The following SLC51A variants were observed in gnomAD, a reference collection of about 807,000 sequenced individuals.
The protein encoded by SLC51A is solute carrier family 51 member A.
In SLC51A, 22 loss-of-function variants were observed where a neutral mutation model predicts 34.8. That is an observed-to-expected ratio of 0.63 (90% CI 0.45 to 0.90). The LOEUF (loss-of-function observed/expected upper bound fraction) is 0.90, where lower values mean the gene tolerates loss of function less well. SLC51A is among the 40% of genes least tolerant of loss of function. The pLI, the probability that SLC51A is intolerant of heterozygous loss-of-function variation, is 0.00. For missense variants in SLC51A, 371 were observed against 414.8 expected, an observed-to-expected ratio of 0.89 and a Z score of 0.92; for synonymous variants, 181 against 176.3, an observed-to-expected ratio of 1.03 and a Z score of -0.21.
At position 196,227,720 on chromosome 3, in the gene SLC51A, G is replaced by A; in HGVS notation, c.345G>A (p.Val115=). The A allele has an allele frequency of 6.2e-7, 1 of 1,613,596 alleles. No homozygotes were observed. The highest frequency in any genetic ancestry group is 8.5e-7 in the Non-Finnish European group (1 of 1,179,812). ...GLWIPRSLVL[V]EMTITSFYAV... ...GGATCCCTCGTTCCCTGGTGCTGGTGGAAATGACCATCACCTCGTGAGTGC... is the reference window on the plus strand; with the variant it reads ...GGATCCCTCGTTCCCTGGTGCTGGTAGAAATGACCATCACCTCGTGAGTGC... The change falls in exon 4 of 9, where the codon GTG becomes GTA. Residue 115 remains valine, a synonymous_variant. Coordinates refer to ENST00000296327, the MANE Select transcript of SLC51A (RefSeq NM_152672.6).
chr3:196,227,581 C>T, intron 3 of SLC51A, 83 bp from the exon 4 acceptor site: 1 of 1,184,778 alleles, frequency 8.4e-7, no homozygotes, highest in Non-Finnish European at 1.3e-6. Context: ...GTAGGTTTTG[C>T]CTCCTGTGTC....
chr3:196,218,009 C>A, intron 2 of SLC51A, 73 bp downstream of exon 2: 1 of 1,394,000 alleles, frequency 7.2e-7, no homozygotes, highest in South Asian at 1.2e-5. Flanking sequence ...TGGGGAGAGG[C>A]GGCCCTGAGC....
At chr3:196,230,724 T>G (rs566254457) in intron 7 of SLC51A, among the ~76,000 whole-genome samples, 6 of 152,306 alleles carry the variant, frequency 3.9e-5, no homozygotes, top group Admixed American at 1.3e-4. Flanking sequence ...CCTCAGGTGA[T>G]CCACCCGCCT....
At chr3:196,217,334 G>A (rs999900849) in intron 1 of SLC51A, among the ~76,000 whole-genome samples, 1 of 152,188 alleles carries the variant, frequency 6.6e-6, no homozygotes, top group Non-Finnish European at 1.5e-5. Flanking sequence ...TGGAGTTCGA[G>A]ACCAGTGTCT....
chr3:196,230,186 T>C, intron 7 of SLC51A, 125 bp downstream of exon 7: 1 of 943,502 alleles, frequency 1.1e-6, no homozygotes, highest in Middle Eastern at 3.0e-4. Flanking sequence ...ACGTCTCTCA[T>C]GAGATTTGGA....
chr3:196,223,873 T>TAA, intron 2 of SLC51A: 1 of 415,478 alleles, frequency 2.4e-6, no homozygotes, highest in East Asian at 7.2e-5. Flanking sequence ...TTTTTTTTTT[T>TAA]TTTTCAGACA....
Position 196,232,521 on chromosome 3 carries a change from C to G in SLC51A, c.883C>G (p.Gln295Glu). The change falls in exon 8 of 9, where the codon CAA becomes GAA. Residue 295 changes from glutamine to glutamate, a missense_variant. Coordinates refer to ENST00000296327, the MANE Select transcript of SLC51A (RefSeq NM_152672.6). ...TCCCTATTCCTCTAAAACCAGGTCT[C>G]AAGGTGAGCACGTTAAGCCTCCTGT... ...SPPYSSKTRS[Q>E]VMNCHLLILE... 6.2e-7 allele frequency: 1 copy of G among 1,612,278 alleles called. No homozygotes were observed. The highest frequency in any genetic ancestry group is 1.7e-5 in the Admixed American group (1 of 60,018).
intron 2 of SLC51A, among the ~76,000 whole-genome samples, chr3:196,220,208 C>A (rs59792018): frequency 6.6e-6 from 1 of 152,170 alleles, no homozygotes; most frequent in South Asian, 2.1e-4. Context: ...AGAAGGAGCT[C>A]GTGAAGGCTC....
At position 196,216,610 on chromosome 3, in the gene SLC51A, CA is replaced by C. The variant is rs769857476; in HGVS notation, c.-102del. 409 of 1,148,142 alleles carry C rather than the reference CA, an allele frequency of 3.6e-4. 2 individuals are homozygous for C. The African/African-American group carries it at 5.4e-3, about 15-fold the overall frequency. 71.1% of individuals were successfully genotyped at this position (1,148,142 alleles called of 1,614,324 possible). A position where few individuals can be genotyped will look rare whatever the true frequency, so the allele number is the denominator to read the frequency against. On this transcript the variant is annotated 5_prime_UTR_variant, in exon 1 of 9. Coordinates refer to ENST00000296327, the MANE Select transcript of SLC51A (RefSeq NM_152672.6). The surrounding 1 kb of genome is among the most constrained non-coding windows in gnomAD (Gnocchi z 4.5). ...AGACTCTGCAATTCTGCTTGCCCCC[CA>C]CCCCGGCCCAGGCAAGCCACCCTGC... is the stretch of plus-strand genomic sequence containing the variant.
At chr3:196,229,763 G>A in intron 6 of SLC51A, 152 bp from the exon 7 acceptor site, 1 of 787,742 alleles carries the variant, frequency 1.3e-6, no homozygotes, top group Middle Eastern at 4.0e-4. Context: ...CTGAGGCGAG[G>A]GGATCACTGG....
intron 7 of SLC51A, among the ~76,000 whole-genome samples, chr3:196,230,389 C>T (rs539925212): frequency 6.6e-6 from 1 of 152,284 alleles, no homozygotes; most frequent in Admixed American, 6.5e-5. Flanking sequence ...GGGGTCCCAG[C>T]CTCTCCCTAG....
intron 6 of SLC51A, chr3:196,229,703 A>AAAAAAAAAAT: frequency 4.6e-6 from 2 of 430,912 alleles, no homozygotes; most frequent in Non-Finnish European, 4.0e-6. Context: ...AAAAAAAAAA[A>AAAAAAAAAAT]GTTAGCTGGG....
rs1425544385 is a variant in SLC51A at position 196,226,791 on chromosome 3, AAAAAG to A, written c.134-169_134-165del. Among the ~76,000 whole-genome samples, 30 of 119,260 alleles carry A rather than the reference AAAAAG, an allele frequency of 2.5e-4. 1 individual carries two copies. The highest frequency in any genetic ancestry group is 1.8e-3 in the South Asian group (6 of 3,316). The allele number at this position is 119,260 out of a possible 152,430, so 78.2% of individuals were successfully genotyped here. A position where few individuals can be genotyped will look rare whatever the true frequency, so the allele number is the denominator to read the frequency against. On this transcript the variant is annotated intron_variant, in intron 2 of 8. Coordinates refer to ENST00000296327, the MANE Select transcript of SLC51A (RefSeq NM_152672.6). ...TCCGTCTTAAAAAAAAAAAAAAAAG[AAAAAG>A]AAAAAAAAAAGACTATTTCTTAGGT...
intron 2 of SLC51A, among the ~76,000 whole-genome samples, chr3:196,218,849 T>TAAA (rs34144545): frequency 6.7e-4 from 98 of 146,958 alleles, no homozygotes; most frequent in African/African-American, 1.9e-3. Context: ...AAACAGTAAT[T>TAAA]AAAAAAAAAA....
At position 196,230,024 on chromosome 3, in the gene SLC51A, G is replaced by T; in HGVS notation, c.743G>T (p.Gly248Val). ...TCCCGTCAAGCCAGGCTACACCTGG[G>T]TGAGCAGAACATGGGAGCCAAATTT... ...IISRQARLHLGEQNMGAKFAL... is the reference protein window; with the variant it reads ...IISRQARLHLVEQNMGAKFAL... Residue 248 changes from glycine (G) to valine (V), a missense_variant, in exon 7 of 9, where the codon GGT (glycine) becomes GTT (valine). By Grantham distance (109) the Gly-to-Val change is moderately radical. Coordinates refer to ENST00000296327, the MANE Select transcript of SLC51A (RefSeq NM_152672.6). 2 of 1,613,776 alleles carry T rather than the reference G, an allele frequency of 1.2e-6. No homozygotes were observed. Among genetic ancestry groups the T allele is most frequent in the Non-Finnish European group, 1.7e-6 (2 of 1,179,836 alleles).
At chr3:196,223,541 A>G (rs1216064812) in intron 2 of SLC51A, among the ~76,000 whole-genome samples, 4 of 151,744 alleles carry the variant, frequency 2.6e-5, no homozygotes, top group Non-Finnish European at 5.9e-5. Context: ...GGCAGTTTTT[A>G]CGCTCTCCAA....
chr3:196,227,877 C>A, intron 4 of SLC51A, 140 bp downstream of exon 4: 1 of 950,794 alleles, frequency 1.1e-6, no homozygotes, highest in Non-Finnish European at 1.6e-6. Flanking sequence ...GCGCTCCTGG[C>A]TCTGCTCAGG....
intron 2 of SLC51A, among the ~76,000 whole-genome samples, chr3:196,219,691 C>A (rs901960372): frequency 6.6e-6 from 1 of 152,156 alleles, no homozygotes; most frequent in African/African-American, 2.4e-5. Flanking sequence ...AGCAGCTGTC[C>A]CCCCAGGGAA....
chr3:196,230,716 T>C (rs7641135), intron 7 of SLC51A, among the ~76,000 whole-genome samples: 45,255 of 151,964 alleles, frequency 0.3, 7,248 homozygotes, highest in East Asian at 0.68. Flanking sequence ...ACTCCTGACC[T>C]CAGGTGATCC....
Sources: gnomAD v4.1 joint callset for allele counts (sites outside exome capture counted in the v4.1 genomes callset) on GRCh38, gnomAD v4.1.1 for gene constraint, Gnocchi (gnomAD v3.1) non-coding constraint, MANE v1.5 for transcripts, NCBI Gene and HGNC (gene_info 2026-07-23, HGNC 2026-07-21) for gene names.